CTNND2: variants seen among roughly 807,000 people sequenced by gnomAD.
The protein encoded by CTNND2 is catenin delta 2.
A neutral mutation model predicts 144.4 loss-of-function variants in CTNND2; 22 were observed. The ratio of observed to expected loss-of-function variants is 0.15; its 90% confidence interval spans 0.11 to 0.22. The LOEUF is 0.22. Among genes scored for constraint, CTNND2 ranks in the 10% least tolerant of loss-of-function variants. CTNND2 has a pLI of 1.00. For missense variants in CTNND2, 1,353 were observed against 1,618.8 expected (o/e 0.84, Z 2.82); for synonymous variants, 751 against 695.6 (o/e 1.08, Z -1.25).
intron 2 of CTNND2, among the ~76,000 whole-genome samples, chr5:11,682,145 A>G (rs1784445481): frequency 6.6e-6 from 1 of 152,238 alleles, no homozygotes; most frequent in Non-Finnish European, 1.5e-5. Context: ...TCTGGTTTCT[A>G]CAAAGAAGAC....
At chr5:11,825,368 G>A (rs1381070257) in intron 1 of CTNND2, among the ~76,000 whole-genome samples, 1 of 152,052 alleles carries the variant, frequency 6.6e-6, no homozygotes. Flanking sequence ...GCTGAAAAAA[G>A]GAGGAGTGAA....
intron 1 of CTNND2, among the ~76,000 whole-genome samples, chr5:11,800,378 C>T (rs4618424): frequency 0.97 from 147,585 of 152,222 alleles, 71,688 homozygotes; most frequent in East Asian, 1. Context: ...CCTGGAAACA[C>T]ACCTTTCAAA....
chr5:11,636,808 G>C (rs945901186), intron 2 of CTNND2, among the ~76,000 whole-genome samples: 2 of 152,190 alleles, frequency 1.3e-5, no homozygotes, highest in Admixed American at 1.3e-4. Context: ...CACTGGAGCT[G>C]AATGGAGCAT....
intron 1 of CTNND2, among the ~76,000 whole-genome samples, chr5:11,837,033 A>C (rs1432432105): frequency 1.3e-5 from 2 of 152,232 alleles, no homozygotes; most frequent in Non-Finnish European, 2.9e-5. Flanking sequence ...GTTTCAAAGA[A>C]TAATCAGGGA....
intron 2 of CTNND2, among the ~76,000 whole-genome samples, chr5:11,598,745 A>C (rs1447778767): frequency 1.3e-5 from 2 of 152,198 alleles, no homozygotes; most frequent in Non-Finnish European, 2.9e-5. Context: ...TTTCACAAAC[A>C]ACTGTAAGTA....
intron 3 of CTNND2, among the ~76,000 whole-genome samples, chr5:11,515,456 T>C (rs1279031486): frequency 6.6e-6 from 1 of 152,204 alleles, no homozygotes; most frequent in African/African-American, 2.4e-5. Context: ...AGTATGTAAA[T>C]GTGCATAAAC....
chr5:11,049,909 A>G (rs555686903), intron 16 of CTNND2, among the ~76,000 whole-genome samples: 132 of 152,346 alleles, frequency 8.7e-4, no homozygotes, highest in South Asian at 2.5e-3. Context: ...TCTTCTGTCC[A>G]TGTTGCTACA....
chr5:11,847,545 A>G (rs984031097), intron 1 of CTNND2, among the ~76,000 whole-genome samples: 5 of 152,058 alleles, frequency 3.3e-5, no homozygotes, highest in Non-Finnish European at 7.4e-5. Flanking sequence ...GTTAGGAAGA[A>G]TAAGTGTTGT....
chr5:11,186,732 G>A (rs947243853), intron 11 of CTNND2, among the ~76,000 whole-genome samples: 7 of 152,158 alleles, frequency 4.6e-5, no homozygotes, highest in African/African-American at 1.4e-4. Context: ...AGCTATTATC[G>A]TGAAAATCTA....
intron 12 of CTNND2, among the ~76,000 whole-genome samples, chr5:11,131,108 T>C (rs1755551754): frequency 6.6e-6 from 1 of 152,134 alleles, no homozygotes; most frequent in Non-Finnish European, 1.5e-5. Context: ...TACTAGCTAG[T>C]TGTTTTCTTC....
chr5:11,016,099 A>T (rs373104433), intron 18 of CTNND2, among the ~76,000 whole-genome samples: 1 of 152,236 alleles, frequency 6.6e-6, no homozygotes, highest in South Asian at 2.1e-4. Context: ...AAAATACAGT[A>T]TTTGCGAGAT....
chr5:11,445,152 T>C (rs1332289175), intron 3 of CTNND2, among the ~76,000 whole-genome samples: 1 of 152,184 alleles, frequency 6.6e-6, no homozygotes, highest in East Asian at 1.9e-4. Context: ...AGGAGGATCT[T>C]TCCTTTTCCC....
chr5:11,022,198 C>G (rs1245923472), intron 17 of CTNND2, among the ~76,000 whole-genome samples: 1 of 152,182 alleles, frequency 6.6e-6, no homozygotes, highest in Non-Finnish European at 1.5e-5. Context: ...ATCAACTCTT[C>G]CAGCTAGCAT....
chr5:11,249,265 G>A (rs1319359218), intron 9 of CTNND2, among the ~76,000 whole-genome samples: 3 of 152,204 alleles, frequency 2.0e-5, no homozygotes, highest in African/African-American at 4.8e-5. Flanking sequence ...CCATCCAACC[G>A]AGGGCATCAG....
At chr5:11,845,158 C>A (rs1794674982) in intron 1 of CTNND2, among the ~76,000 whole-genome samples, 1 of 152,140 alleles carries the variant, frequency 6.6e-6, no homozygotes, top group African/African-American at 2.4e-5. Context: ...ATAGCCAGGA[C>A]CTGAATGCTT....
At chr5:11,668,372 G>A (rs1456564624) in intron 2 of CTNND2, among the ~76,000 whole-genome samples, 4 of 152,172 alleles carry the variant, frequency 2.6e-5, no homozygotes, top group African/African-American at 7.2e-5. Flanking sequence ...CCATTTTCAC[G>A]ATATTGATTC....
At chr5:11,232,815 C>A (rs1246657572) in intron 10 of CTNND2, among the ~76,000 whole-genome samples, 2 of 152,180 alleles carry the variant, frequency 1.3e-5, no homozygotes, top group African/African-American at 4.8e-5. Flanking sequence ...TCGTTTGGCT[C>A]TGTGTCCCCA....
chr5:11,634,975 T>C (rs977579446), intron 2 of CTNND2, among the ~76,000 whole-genome samples: 8 of 151,880 alleles, frequency 5.3e-5, no homozygotes, highest in African/African-American at 1.9e-4. Context: ...ATATAGGCAA[T>C]AGGTTGAAAG....
chr5:11,084,098 G>C (rs958938200), intron 15 of CTNND2: 25 of 303,504 alleles, frequency 8.2e-5, no homozygotes, highest in African/African-American at 4.5e-4. Context: ...AGGAAGCCTT[G>C]AGGGGGTAGG....
Sources: allele counts gnomAD v4.1 joint callset (sites outside exome capture counted in the v4.1 genomes callset), GRCh38; gene constraint gnomAD v4.1.1; transcripts MANE v1.5; gene names NCBI Gene and HGNC (gene_info 2026-07-23, HGNC 2026-07-21).